ZNF793: variants seen among roughly 807,000 people sequenced by gnomAD.
ZNF793 encodes zinc finger protein 793.
In ZNF793, 5 loss-of-function variants were observed where a neutral mutation model predicts 12.4. That is an observed-to-expected ratio of 0.40 (90% CI 0.21 to 0.84). The LOEUF is 0.84. Ranked by LOEUF, ZNF793 falls within the 40% of genes least tolerant of loss-of-function variation. The pLI is 0.35. For synonymous variants in ZNF793, 162 were observed against 172.4 expected (o/e 0.94, Z 0.47); for missense variants, 456 against 495.0 (o/e 0.92, Z 0.75).
chr19:37,517,716 C>T (rs985542965), intron 2 of ZNF793, among the ~76,000 whole-genome samples: 2 of 151,986 alleles, frequency 1.3e-5, no homozygotes, highest in Non-Finnish European at 2.9e-5. Flanking sequence ...AATAACCTTG[C>T]ACAGTGCCTA....
chr19:37,524,706 G>A (rs1384533175), intron 5 of ZNF793, among the ~76,000 whole-genome samples: 2 of 152,196 alleles, frequency 1.3e-5, no homozygotes, highest in African/African-American at 4.8e-5. Context: ...GGACCTGGGC[G>A]TCTCCTGGGA....
Position 37,537,781 on chromosome 19 carries a change from G to T in ZNF793, c.1123G>T (p.Ala375Ser). 1.9e-6 allele frequency: 3 copies of T among 1,614,122 alleles called. No individual in the cohort carries two copies. The South Asian group carries it at 3.3e-5, about 18-fold the overall frequency. The change falls in exon 8 of 8, where the codon GCT (alanine) becomes TCT (serine). Residue 375 changes from alanine (A) to serine (S), a missense_variant. By Grantham distance (99) the Ala-to-Ser change is moderately conservative. Transcript: ENST00000627814. Reference protein sequence around the residue: ...KPYGCNECGKAFYQKPNLSRH... With the variant: ...KPYGCNECGKSFYQKPNLSRH... Reference sequence around the variant, plus strand: ...CTATGGGTGCAATGAATGTGGGAAAGCTTTCTACCAGAAGCCAAACCTCAG... The same window carrying T: ...CTATGGGTGCAATGAATGTGGGAAATCTTTCTACCAGAAGCCAAACCTCAG...
chr19:37,524,457 A>G (rs181870451), intron 5 of ZNF793, among the ~76,000 whole-genome samples: 1 of 152,180 alleles, frequency 6.6e-6, no homozygotes, highest in East Asian at 1.9e-4. Flanking sequence ...TGCAAGGAAC[A>G]TTCTCTTTTG....
chr19:37,532,959 G>A (rs774955662), intron 6 of ZNF793, among the ~76,000 whole-genome samples: 11 of 152,050 alleles, frequency 7.2e-5, no homozygotes, highest in Non-Finnish European at 1.3e-4. Flanking sequence ...TCTCATAAAA[G>A]CCTTATGAGG....
intron 5 of ZNF793, among the ~76,000 whole-genome samples, chr19:37,524,481 C>T (rs564053757): frequency 2.0e-5 from 3 of 152,074 alleles, no homozygotes; most frequent in East Asian, 1.9e-4. Flanking sequence ...TACCAATGTA[C>T]AAAGTGGAGA....
chr19:37,514,363 C>T (rs1568786133), intron 2 of ZNF793, among the ~76,000 whole-genome samples: 1 of 152,138 alleles, frequency 6.6e-6, no homozygotes, highest in Non-Finnish European at 1.5e-5. Context: ...CAAGACCAGC[C>T]TGGGCAATAT....
intron 5 of ZNF793, among the ~76,000 whole-genome samples, chr19:37,527,306 A>C (rs1444860166): frequency 6.6e-6 from 1 of 152,058 alleles, no homozygotes; most frequent in Non-Finnish European, 1.5e-5. Flanking sequence ...CACCCTCCTC[A>C]GCCTCCCAAA....
Position 37,542,474 on chromosome 19 carries a change from C to G in ZNF793, c.*4595C>G, listed in dbSNP as rs1395896426. ...GAGAATCTTCCCTTAGAAGTAAAAG[C>G]TCCAATACATAAAAGACAGATGAAC... On this transcript the variant is annotated 3_prime_UTR_variant, in exon 8 of 8. Transcript: ENST00000627814. 2.4e-6 allele frequency: 1 copy of G among 413,258 alleles called. No homozygotes were observed. The highest frequency in any genetic ancestry group is 2.6e-5 in the Admixed American group (1 of 39,014). The allele number at this position is 413,258 out of a possible 1,614,324, so 25.6% of individuals were successfully genotyped here.
chr19:37,511,150 A>G (rs2147056429), intron 2 of ZNF793, among the ~76,000 whole-genome samples: 1 of 152,288 alleles, frequency 6.6e-6, no homozygotes, highest in East Asian at 1.9e-4. Context: ...AGGTGTCCTT[A>G]CTGGTCAATA....
At chr19:37,510,722 G>T (rs1438782581) in intron 2 of ZNF793, among the ~76,000 whole-genome samples, 1 of 149,880 alleles carries the variant, frequency 6.7e-6, no homozygotes, top group Non-Finnish European at 1.5e-5. Context: ...TTTGAGACAG[G>T]GTCTCACTCT....
intron 5 of ZNF793, among the ~76,000 whole-genome samples, chr19:37,527,946 C>T (rs540789827): frequency 6.6e-6 from 1 of 151,288 alleles, no homozygotes; most frequent in African/African-American, 2.4e-5. Context: ...TGGTGAAACC[C>T]TGTCTCTACT....
rs914096642 is a variant in ZNF793, at chr19:37,537,483, A to G, written c.825A>G (p.Arg275=). The part of the protein sequence containing the change: ...SHKSTLIKHQ[R]IHTGVRPFEC... ...AGTCAACCCTCATCAAACACCAGAG[A>G]ATTCACACTGGGGTAAGACCCTTTG... The change falls in exon 8 of 8, where the codon AGA becomes AGG. Residue 275 remains arginine, a synonymous_variant. Coordinates refer to ENST00000627814, the MANE Select transcript of ZNF793 (RefSeq NM_001013659.3). The G allele has an allele frequency of 1.2e-6, 2 of 1,614,022 alleles. No individual in the cohort carries two copies. The highest frequency in any genetic ancestry group is 1.1e-5 in the South Asian group (1 of 91,072).
chr19:37,532,314 A>AT, intron 5 of ZNF793, 42 bp from the exon 6 acceptor site: 7 of 1,590,858 alleles, frequency 4.4e-6, no homozygotes, highest in East Asian at 4.6e-5. Flanking sequence ...CTGCACAAAC[A>AT]TTTTTTTTCG....
chr19:37,537,795 G>A lies in ZNF793; in HGVS notation c.1137G>A (p.Lys379=), dbSNP rs182541341. The change falls in exon 8 of 8, where the codon AAG becomes AAA. Residue 379 remains lysine (K), a synonymous_variant. Coordinates refer to ENST00000627814, the MANE Select transcript of ZNF793 (RefSeq NM_001013659.3). ...AATGTGGGAAAGCTTTCTACCAGAA[G>A]CCAAACCTCAGCAGACATCAGAAAA... ...CNECGKAFYQ[K]PNLSRHQKIH... 233 of 1,613,990 alleles carry A rather than the reference G, an allele frequency of 1.4e-4. 2 individuals are homozygous for A. In the East Asian group the frequency reaches 5.1e-3, roughly 36 times the overall value.
At chr19:37,533,620 C>G (rs2042480398) in intron 7 of ZNF793, 1 of 498,848 alleles carries the variant, frequency 2.0e-6, no homozygotes, top group African/African-American at 2.0e-5. Flanking sequence ...GTCCATCTCT[C>G]TTTCTCCAGA....
intron 2 of ZNF793, among the ~76,000 whole-genome samples, chr19:37,512,926 G>A (rs1232006982): frequency 1.3e-5 from 2 of 151,834 alleles, no homozygotes; most frequent in African/African-American, 4.8e-5. Context: ...GTATGTTCTC[G>A]GTCATTTTTT....
intron 2 of ZNF793, among the ~76,000 whole-genome samples, chr19:37,510,127 G>A (rs959525836): frequency 2.0e-5 from 3 of 152,098 alleles, no homozygotes; most frequent in Non-Finnish European, 4.4e-5. Flanking sequence ...TTGGAAGGCT[G>A]GGGTAGGAGG....
intron 2 of ZNF793, among the ~76,000 whole-genome samples, chr19:37,515,683 T>G (rs2147065509): frequency 6.6e-6 from 1 of 152,318 alleles, no homozygotes; most frequent in Non-Finnish European, 1.5e-5. Flanking sequence ...GAAAACACAG[T>G]TGACTATCCA....
chr19:37,518,165 G>C (rs992411189), intron 2 of ZNF793, among the ~76,000 whole-genome samples: 1 of 151,858 alleles, frequency 6.6e-6, no homozygotes, highest in Non-Finnish European at 1.5e-5. Context: ...TCGCTCTGTC[G>C]CCCAGGCTGG....
Sources: gnomAD v4.1 joint callset for allele counts (sites outside exome capture counted in the v4.1 genomes callset) on GRCh38, gnomAD v4.1.1 for gene constraint, MANE v1.5 for transcripts, NCBI Gene and HGNC (gene_info 2026-07-23, HGNC 2026-07-21) for gene names.